SLC38A2: variants seen among roughly 807,000 people sequenced by gnomAD.
The protein encoded by SLC38A2 is sodium-coupled neutral amino acid symporter 2.
In SLC38A2, 11 loss-of-function variants were observed where a neutral mutation model predicts 61.5. That is an observed-to-expected ratio of 0.18 (90% CI 0.11 to 0.30). SLC38A2 has a LOEUF of 0.30. Among genes scored for constraint, SLC38A2 ranks in the 10% least tolerant of loss-of-function variants. The probability of loss-of-function intolerance (pLI) is 1.00; values close to 1 mark genes in which losing one functional copy is unlikely to be tolerated. For missense variants in SLC38A2, 522 were observed against 600.4 expected, an observed-to-expected ratio of 0.87 and a Z score of 1.36; for synonymous variants, 217 against 212.5, an observed-to-expected ratio of 1.02 and a Z score of -0.18.
At position 46,367,069 on chromosome 12, in the gene SLC38A2, T is replaced by G. The variant is rs976715848; in HGVS notation, c.481+7A>C. 2.5e-6 allele frequency: 4 copies of G among 1,613,470 alleles called. No homozygotes were observed. Among genetic ancestry groups the G allele is most frequent in the Non-Finnish European group, 3.4e-6 (4 of 1,179,692 alleles). On this transcript the variant is annotated splice_region_variant and intron_variant, in intron 6 of 15. Transcript: ENST00000256689. ...TCTACCCAAATAATCTTTTGAAAAA[T>G]TCTTACCTCCAATGTTCTGCATTGT...
rs1943123861 is a variant in SLC38A2 at position 46,364,902 on chromosome 12, AC to A, written c.647-201del. ...CTTGTCATAACCCAAGCTAATAAAA[AC>A]TATCATTTGCATTATTTCTTACAAA... On this transcript the variant is annotated intron_variant, in intron 8 of 15. Transcript: ENST00000256689. 1.2e-5 allele frequency: 8 copies of A among 674,534 alleles called. No homozygotes were observed. In the East Asian group the frequency reaches 2.2e-4, roughly 19 times the overall value. The allele number at this position is 674,534 out of a possible 1,614,324, so 41.8% of individuals were successfully genotyped here.
rs768521163 is a variant in SLC38A2, at chr12:46,372,371, CAG to C, written c.-87+136_-87+137del. 1.9e-3 allele frequency: 482 copies of C among 253,658 alleles called. 2 individuals are homozygous for C. The highest frequency in any genetic ancestry group is 9.7e-3 in the Middle Eastern group (9 of 930). The allele number at this position is 253,658 out of a possible 1,614,324, so 15.7% of individuals were successfully genotyped here. ...CGGCGGGCCAGGGTGGAAGGCTGGC[CAG>C]CCCAACCGACAACGCCCGCCTCGAA... On this transcript the variant is annotated intron_variant, in intron 1 of 15. Transcript: ENST00000256689.
intron 12 of SLC38A2, among the ~76,000 whole-genome samples, chr12:46,363,494 T>C (rs1356930917): frequency 1.3e-5 from 2 of 152,038 alleles, no homozygotes; most frequent in South Asian, 4.1e-4. Context: ...ATCATACAAA[T>C]ATGCCATCAA....
intron 14 of SLC38A2, 24 bp downstream of exon 14, chr12:46,362,470 A>G: frequency 6.3e-7 from 1 of 1,594,284 alleles, no homozygotes. Flanking sequence ...GTTTGAATCC[A>G]CTTGGATACT....
Position 46,364,720 on chromosome 12 carries a change from A to C in SLC38A2, c.647-18T>G. 1 of 1,593,790 alleles carries C rather than the reference A, an allele frequency of 6.3e-7. No homozygotes were observed. ...CAAATATCCTATAAGGAGGGGTGGCAGGAATCAGTATTAGTTTAATGAAAC... is the reference window on the plus strand; with the variant it reads ...CAAATATCCTATAAGGAGGGGTGGCCGGAATCAGTATTAGTTTAATGAAAC... On this transcript the variant is annotated intron_variant, in intron 8 of 15. Transcript: ENST00000256689.
At chr12:46,365,707 T>TA (rs917997631) in intron 7 of SLC38A2, among the ~76,000 whole-genome samples, 4 of 151,184 alleles carry the variant, frequency 2.6e-5, no homozygotes, top group South Asian at 2.1e-4. Context: ...GCCCCCCCCA[T>TA]AAAAAAAATT....
intron 15 of SLC38A2, 65 bp from the exon 16 acceptor site, chr12:46,361,274 A>G (rs1943078505): frequency 1.3e-5 from 17 of 1,300,262 alleles, no homozygotes; most frequent in South Asian, 1.1e-4. Context: ...CATTTCTTCT[A>G]TTTTTTGAAA....
chr12:46,364,047 T>A lies in SLC38A2; in HGVS notation c.874-44A>T, dbSNP rs368274066. The stretch of plus-strand genomic sequence containing the variant: ...ATCTACTTAATCTGATGTAACGAAC[T>A]CATGCTGTCACATTTCCGCAGCATA... On this transcript the variant is annotated intron_variant, in intron 10 of 15. Transcript: ENST00000256689. 6.1e-5 allele frequency: 91 copies of A among 1,482,524 alleles called. No homozygotes were observed. The African/African-American group carries it at 1.2e-3, about 19-fold the overall frequency. 91.8% of individuals were successfully genotyped at this position (1,482,524 alleles called of 1,614,324 possible).
intron 7 of SLC38A2, among the ~76,000 whole-genome samples, 168 bp downstream of exon 7, chr12:46,366,696 T>C (rs1382121468): frequency 6.6e-6 from 1 of 152,172 alleles, no homozygotes; most frequent in African/African-American, 2.4e-5. Context: ...GGCCTTTCCT[T>C]CTCCAAAGTT....
Position 46,370,448 on chromosome 12 carries a change from G to A in SLC38A2, c.314+64C>T, listed in dbSNP as rs1592207509. The A allele has an allele frequency of 7.2e-6, 9 of 1,249,362 alleles. No homozygotes were observed. The Admixed American group carries it at 7.2e-5, about 10-fold the overall frequency. The allele number at this position is 1,249,362 out of a possible 1,614,324, so 77.4% of individuals were successfully genotyped here. On this transcript the variant is annotated intron_variant, in intron 4 of 15. Coordinates refer to ENST00000256689, the MANE Select transcript of SLC38A2 (RefSeq NM_018976.5). ...TCCAACTGTAAATTCAGTTTCTGGA[G>A]CCAAAATATGTTTTACCATAGTAAC...
At chr12:46,369,801 C>G (rs1000739037) in intron 4 of SLC38A2, among the ~76,000 whole-genome samples, 1 of 152,164 alleles carries the variant, frequency 6.6e-6, no homozygotes, top group Non-Finnish European at 1.5e-5. Context: ...TCTTCTGTAC[C>G]TCCAAGAGTC....
At chr12:46,370,094 G>T (rs758710679) in intron 4 of SLC38A2, among the ~76,000 whole-genome samples, 1 of 152,122 alleles carries the variant, frequency 6.6e-6, no homozygotes, top group Non-Finnish European at 1.5e-5. Flanking sequence ...CCTTATTCAC[G>T]TAAGGGGCCA....
Position 46,360,207 on chromosome 12 carries a change from C to T in SLC38A2, c.*904G>A, listed in dbSNP as rs1324880516. 6.6e-6 allele frequency: 1 copy of T among 152,666 alleles called. No individual in the cohort carries two copies. Among genetic ancestry groups the T allele is most frequent in the African/African-American group, 2.4e-5 (1 of 41,464 alleles). 9.5% of individuals were successfully genotyped at this position (152,666 alleles called of 1,614,324 possible). ...GCAACTGAATAAACCCTGTTTTACC[C>T]AATTGCACTATTTGGTACCTCAAAA... On this transcript the variant is annotated 3_prime_UTR_variant, in exon 16 of 16. Coordinates refer to ENST00000256689, the MANE Select transcript of SLC38A2 (RefSeq NM_018976.5).
chr12:46,362,663 A>G (rs761838596), intron 13 of SLC38A2, 25 bp from the exon 14 acceptor site: 86 of 1,547,420 alleles, frequency 5.6e-5, no homozygotes, highest in Admixed American at 1.2e-4. Flanking sequence ...AATAAAATGT[A>G]TTTTAAAAAT....
At position 46,367,073 on chromosome 12, in the gene SLC38A2, T is replaced by C. The variant is rs773929709; in HGVS notation, c.481+3A>G. The C allele has an allele frequency of 6.2e-7, 1 of 1,613,774 alleles. No homozygotes were observed. Among genetic ancestry groups the C allele is most frequent in the East Asian group, 2.2e-5 (1 of 44,882 alleles). ...CCCAAATAATCTTTTGAAAAATTCT[T>C]ACCTCCAATGTTCTGCATTGTAATT... On this transcript the variant is annotated splice_donor_region_variant and intron_variant, in intron 6 of 15. Transcript: ENST00000256689.
chr12:46,362,899 AAC>A, intron 13 of SLC38A2, 120 bp downstream of exon 13: 2 of 1,302,924 alleles, frequency 1.5e-6, no homozygotes, highest in Non-Finnish European at 2.1e-6. Context: ...GCCCCTTCAA[AAC>A]CACCACCAAC....
At chr12:46,365,006 CT>C in intron 8 of SLC38A2, 100 bp downstream of exon 8, 1 of 1,142,644 alleles carries the variant, frequency 8.8e-7, no homozygotes, top group South Asian at 1.4e-5. Flanking sequence ...TACCTTTCTA[CT>C]TTCTAGGGCT....
chr12:46,363,711 G>A lies in SLC38A2; in HGVS notation c.1054+15C>T. 6.7e-7 allele frequency: 1 copy of A among 1,497,912 alleles called. No individual in the cohort carries two copies. Among genetic ancestry groups the A allele is most frequent in the South Asian group, 1.3e-5 (1 of 76,474 alleles). The allele number at this position is 1,497,912 out of a possible 1,614,324, so 92.8% of individuals were successfully genotyped here. A position where few individuals can be genotyped will look rare whatever the true frequency, so the allele number is the denominator to read the frequency against. The stretch of plus-strand genomic sequence containing the variant: ...TTGTTTTTGTTTTTGTTTTGGTAAA[G>A]GAGGCGTTACTTACCGTAAAATGTT... On this transcript the variant is annotated intron_variant, in intron 12 of 15. Transcript: ENST00000256689.
intron 1 of SLC38A2, 84 bp from the exon 2 acceptor site, chr12:46,371,463 G>A: frequency 3.3e-6 from 2 of 602,356 alleles, no homozygotes; most frequent in Non-Finnish European, 2.9e-6. Flanking sequence ...CAGCGCGGCT[G>A]ATTCATCCCA....
Sources: allele counts gnomAD v4.1 joint callset (sites outside exome capture counted in the v4.1 genomes callset), GRCh38; gene constraint gnomAD v4.1.1; transcripts MANE v1.5; gene names NCBI Gene and HGNC (gene_info 2026-07-23, HGNC 2026-07-21).